The following DLG2 variants were observed in gnomAD, a reference collection of about 807,000 sequenced individuals.
DLG2 encodes the protein disks large homolog 2.
In DLG2, 45 loss-of-function variants were observed where a neutral mutation model predicts 132.5. The ratio of observed to expected loss-of-function variants is 0.34; its 90% confidence interval spans 0.27 to 0.44. The LOEUF (loss-of-function observed/expected upper bound fraction) is 0.44. DLG2 is among the 20% of genes least tolerant of loss of function. The probability of loss-of-function intolerance (pLI) is 1.00; values close to 1 mark genes in which losing one functional copy is unlikely to be tolerated. For missense variants in DLG2, 1,045 were observed against 1,196.9 expected (o/e 0.87, Z 1.87); for synonymous variants, 424 against 419.6 (o/e 1.01, Z -0.13).
At chr11:83,774,224 G>A (rs1269660042) in intron 18 of DLG2, among the ~76,000 whole-genome samples, 2 of 152,122 alleles carry the variant, frequency 1.3e-5, no homozygotes, top group African/African-American at 4.8e-5. Context: ...TGCATCCACA[G>A]TCTCCCAAGG....
At chr11:84,316,173 T>C (rs951177257) in intron 7 of DLG2, among the ~76,000 whole-genome samples, 2 of 152,204 alleles carry the variant, frequency 1.3e-5, no homozygotes, top group Non-Finnish European at 2.9e-5. Flanking sequence ...AAATGCGTTA[T>C]AGAAGAAAGA....
At chr11:83,871,276 A>G (rs1242340337) in intron 16 of DLG2, among the ~76,000 whole-genome samples, 1 of 152,220 alleles carries the variant, frequency 6.6e-6, no homozygotes, top group African/African-American at 2.4e-5. Flanking sequence ...TGGCATAATT[A>G]TAGATGATTC....
At chr11:84,831,169 T>C (rs933048807) in intron 6 of DLG2, among the ~76,000 whole-genome samples, 2 of 151,404 alleles carry the variant, frequency 1.3e-5, no homozygotes, top group Non-Finnish European at 1.5e-5. Context: ...TTCAACTCTA[T>C]AGTGGCTGAC....
At chr11:85,208,977 T>C (rs1014730746) in intron 4 of DLG2, among the ~76,000 whole-genome samples, 3 of 152,116 alleles carry the variant, frequency 2.0e-5, no homozygotes, top group Non-Finnish European at 2.9e-5. Context: ...TCCCGCAATA[T>C]GTAAGTCCTT....
At chr11:85,118,709 GGAGA>G (rs1222174337) in intron 5 of DLG2, among the ~76,000 whole-genome samples, 4 of 151,944 alleles carry the variant, frequency 2.6e-5, no homozygotes, top group Non-Finnish European at 5.9e-5. Flanking sequence ...AGATAGTAGA[GGAGA>G]GAGTTTAATA....
At chr11:84,443,932 C>G (rs1381558814) in intron 7 of DLG2, among the ~76,000 whole-genome samples, 2 of 147,794 alleles carry the variant, frequency 1.4e-5, no homozygotes, top group African/African-American at 5.2e-5. Context: ...ATTTTTTTCT[C>G]TCTTCTAAGT....
chr11:85,109,671 T>G (rs555146062), intron 6 of DLG2, among the ~76,000 whole-genome samples: 1 of 152,284 alleles, frequency 6.6e-6, no homozygotes, highest in South Asian at 2.1e-4. Flanking sequence ...GATCAGAAAT[T>G]CTTATTGGTA....
intron 21 of DLG2, among the ~76,000 whole-genome samples, chr11:83,514,682 T>G (rs1453797941): frequency 1.3e-5 from 2 of 152,214 alleles, no homozygotes; most frequent in Non-Finnish European, 2.9e-5. Flanking sequence ...TAGATAGCTC[T>G]TATTATTTTG....
intron 6 of DLG2, among the ~76,000 whole-genome samples, chr11:85,100,383 A>C (rs2070678686): frequency 6.6e-6 from 1 of 152,170 alleles, no homozygotes; most frequent in Non-Finnish European, 1.5e-5. Context: ...ATAATCTTTC[A>C]ATGTAGGTAA....
chr11:84,153,762 G>T (rs1021140141), intron 9 of DLG2, among the ~76,000 whole-genome samples: 6 of 152,044 alleles, frequency 3.9e-5, no homozygotes, highest in Non-Finnish European at 5.9e-5. Flanking sequence ...TGGCTTCCTT[G>T]GATTTCTCCT....
intron 6 of DLG2, among the ~76,000 whole-genome samples, chr11:84,623,290 A>G (rs1019090303): frequency 6.6e-6 from 1 of 152,162 alleles, no homozygotes; most frequent in African/African-American, 2.4e-5. Context: ...GGGAAACGGC[A>G]GACCTTCTGA....
In DLG2 at chr11:84,507,848, T is replaced by C. The variant is rs934721835; in HGVS notation, c.519+26722A>G. The stretch of plus-strand genomic sequence containing the variant: ...GCTTTATCACGGTGTATTAACTTTT[T>C]GATGTGCTGCTGGATTCAGTTTGCT... On this transcript the variant is annotated intron_variant, in intron 7 of 27. Transcript: ENST00000376104. Among the ~76,000 whole-genome samples, 16 of 152,338 alleles carry C rather than the reference T, an allele frequency of 1.1e-4. No homozygotes were observed. In the East Asian group the frequency reaches 3.1e-3, roughly 29 times the overall value.
At chr11:85,251,463 TGTAA>T (rs1194956143) in intron 4 of DLG2, among the ~76,000 whole-genome samples, 2 of 150,524 alleles carry the variant, frequency 1.3e-5, no homozygotes, top group East Asian at 3.8e-4. Context: ...TACAATAAAC[TGTAA>T]GTATGTCTCT....
intron 6 of DLG2, among the ~76,000 whole-genome samples, chr11:84,865,720 A>C (rs1204050161): frequency 6.6e-6 from 1 of 152,238 alleles, no homozygotes; most frequent in African/African-American, 2.4e-5. Context: ...CCCCGAAAAC[A>C]ATCTTCAATG....
intron 18 of DLG2, among the ~76,000 whole-genome samples, chr11:83,712,068 A>G (rs1028323202): frequency 3.9e-5 from 6 of 152,180 alleles, no homozygotes; most frequent in Non-Finnish European, 7.3e-5. Context: ...GTGGGAGTGT[A>G]AATAAGTCCA....
At chr11:84,137,384 T>A (rs2154230484) in intron 9 of DLG2, among the ~76,000 whole-genome samples, 1 of 152,216 alleles carries the variant, frequency 6.6e-6, no homozygotes, top group East Asian at 1.9e-4. Context: ...TTTCTGTGAA[T>A]GAGGTTTCGG....
At chr11:85,254,006 G>T (rs78315016) in intron 4 of DLG2, among the ~76,000 whole-genome samples, 1 of 152,196 alleles carries the variant, frequency 6.6e-6, no homozygotes, top group African/African-American at 2.4e-5. Context: ...GCACAGGATC[G>T]GGGGCAGGAC....
chr11:85,301,744 A>G (rs968376978), intron 3 of DLG2, among the ~76,000 whole-genome samples: 1 of 152,210 alleles, frequency 6.6e-6, no homozygotes. Flanking sequence ...TAGAAGTATA[A>G]GAATAAGTCT....
chr11:83,988,382 T>G (rs1293025347), intron 11 of DLG2, among the ~76,000 whole-genome samples: 1 of 152,128 alleles, frequency 6.6e-6, no homozygotes, highest in African/African-American at 2.4e-5. Context: ...CTTTGTTCTT[T>G]TTGCTTAGCA....
Sources: allele counts gnomAD v4.1 joint callset (sites outside exome capture counted in the v4.1 genomes callset), GRCh38; gene constraint gnomAD v4.1.1; transcripts MANE v1.5; gene names NCBI Gene and HGNC (gene_info 2026-07-23, HGNC 2026-07-21).